The following TACC2 variants were observed in gnomAD, a reference collection of about 807,000 sequenced individuals.
TACC2 encodes the protein transforming acidic coiled-coil-containing protein 2.
Under a neutral mutation model 227.3 loss-of-function variants are expected in TACC2, and 137 were observed. The observed-to-expected ratio is 0.60, with a 90% CI of 0.52 to 0.69. TACC2 has a LOEUF of 0.69. Ranked by LOEUF, TACC2 falls within the 30% of genes least tolerant of loss-of-function variation. The probability of loss-of-function intolerance (pLI) is 0.00; values close to 1 mark genes in which losing one functional copy is unlikely to be tolerated. For synonymous variants in TACC2, 1,523 were observed against 1,487.5 expected, an observed-to-expected ratio of 1.02 and a Z score of -0.55; for missense variants, 3,470 against 3,694.4, an observed-to-expected ratio of 0.94 and a Z score of 1.57.
In TACC2 at chr10:122,084,669, T is replaced by C. The variant is rs1016075340; in HGVS notation, c.2169T>C (p.Phe723=). ...CTTTAGAATCAGAGAAATCAGATTT[T>C]CCACCAACTCCTGTTGCAGAGGTTG... is the stretch of plus-strand genomic sequence containing the variant. The part of the protein sequence containing the change: ...FLTLESEKSD[F]PPTPVAEVAP... Residue 723 remains phenylalanine (F), a synonymous_variant, in exon 4 of 23, where the codon TTT becomes TTC. Transcript: ENST00000369005. The C allele has an allele frequency of 6.2e-7, 1 of 1,613,704 alleles. No homozygotes were observed. Among genetic ancestry groups the C allele is most frequent in the Non-Finnish European group, 8.5e-7 (1 of 1,180,040 alleles).
Position 122,048,393 on chromosome 10 carries a change from TTTCC to T in TACC2, c.34-2035_34-2032del, listed in dbSNP as rs138157333. Among the ~76,000 whole-genome samples the T allele has an allele frequency of 2.7e-3, 381 of 141,086 alleles. 3 individuals carry two copies. The highest frequency in any genetic ancestry group is 5.6e-3 in the East Asian group (26 of 4,664). 92.6% of individuals were successfully genotyped at this position (141,086 alleles called of 152,430 possible). A position where few individuals can be genotyped will look rare whatever the true frequency, so the allele number is the denominator to read the frequency against. ...AGCCTTATTTTTTTTTTCTCCTCCC[TTTCC>T]TTCCTTCCTCCCTCCCTCCCTTCCT... On this transcript the variant is annotated intron_variant, in intron 2 of 22. Coordinates refer to ENST00000369005, the MANE Select transcript of TACC2 (RefSeq NM_206862.4).
rs2091914240 is a variant in TACC2, at chr10:122,150,396, G to A, written c.5834+6690G>A. Among the ~76,000 whole-genome samples the A allele has an allele frequency of 6.6e-6, 1 of 152,218 alleles. No homozygotes were observed. Among genetic ancestry groups the A allele is most frequent in the South Asian group, 2.1e-4 (1 of 4,836 alleles). On this transcript the variant is annotated intron_variant, in intron 7 of 22. Coordinates refer to ENST00000369005, the MANE Select transcript of TACC2 (RefSeq NM_206862.4). This position sits in a 1 kb window ranked among gnomAD's most constrained non-coding sequence, Gnocchi z 4.0. ...GGGGGCCCTTCTTGCCCTGAATAGG[G>A]GCAGCTGAGGCCAGGAGCCCACCCT...
intron 1 of TACC2, among the ~76,000 whole-genome samples, chr10:122,005,607 A>C (rs1484556690): frequency 7.3e-6 from 1 of 137,850 alleles, no homozygotes; most frequent in African/African-American, 2.8e-5. Context: ...AATGGTCTCG[A>C]TCTCCTGACC....
At chr10:122,189,010 T>C (rs929999944) in intron 7 of TACC2, among the ~76,000 whole-genome samples, 5 of 152,282 alleles carry the variant, frequency 3.3e-5, no homozygotes, top group South Asian at 4.2e-4. Flanking sequence ...GGCATTTGCT[T>C]GTGTTGAAAT....
chr10:122,170,786 T>C (rs918295045), intron 7 of TACC2, among the ~76,000 whole-genome samples: 10 of 152,218 alleles, frequency 6.6e-5, no homozygotes, highest in African/African-American at 2.2e-4. Flanking sequence ...CCTCGCCTGA[T>C]GTTCACCAGG....
At chr10:122,031,616 G>T (rs1468829394) in intron 2 of TACC2, among the ~76,000 whole-genome samples, 1 of 151,936 alleles carries the variant, frequency 6.6e-6, no homozygotes, top group Non-Finnish European at 1.5e-5. Context: ...TGTTAGCCAG[G>T]TTGGTCTCGA....
At chr10:122,118,441 G>A (rs530683320) in intron 5 of TACC2, among the ~76,000 whole-genome samples, 1 of 152,104 alleles carries the variant, frequency 6.6e-6, no homozygotes, top group Non-Finnish European at 1.5e-5. Context: ...TCTCTCTGAC[G>A]GCTAACAACC....
In TACC2 at chr10:122,211,110, G is replaced by A; in HGVS notation, c.6685G>A (p.Val2229Ile). The change falls in exon 9 of 23, where the codon GTC becomes ATC. Residue 2229 changes from valine to isoleucine, a missense_variant. Val to Ile is a conservative substitution (Grantham distance 29, BLOSUM62 3). Around this residue, in one of 10 missense-constraint regions of TACC2, gnomAD observed 593 missense variants for 636.6 expected, o/e 0.93. Coordinates refer to ENST00000369005, the MANE Select transcript of TACC2 (RefSeq NM_206862.4). ...GGGRVQNSPP[V>I]GRKTLPLTTA... ...TGGCAGAGTGCAGAACTCACCCCCT[G>A]TCGGGAGGAAAACGCTGCCTCTTAC... The A allele has an allele frequency of 6.2e-7, 1 of 1,611,532 alleles. No homozygotes were observed. The highest frequency in any genetic ancestry group is 2.2e-5 in the East Asian group (1 of 44,858).
chr10:122,075,243 A>G (rs1047198446), intron 3 of TACC2, among the ~76,000 whole-genome samples: 3 of 151,620 alleles, frequency 2.0e-5, no homozygotes, highest in Non-Finnish European at 2.9e-5. Context: ...TGGCAAGGTT[A>G]GGCTGCAGGA....
chr10:122,152,457 T>C (rs934934038), intron 7 of TACC2, among the ~76,000 whole-genome samples: 4 of 152,224 alleles, frequency 2.6e-5, no homozygotes, highest in Admixed American at 2.0e-4. Context: ...AAGCTTAACA[T>C]TGTGGCCAGT....
At chr10:122,097,369 T>G in intron 5 of TACC2, among the ~76,000 whole-genome samples, 2 of 149,176 alleles carry the variant, frequency 1.3e-5, no homozygotes, top group Admixed American at 6.7e-5. Context: ...AGAAGAAGAG[T>G]TGGAGGAGGA....
At chr10:122,108,378 C>T (rs1045452959) in intron 5 of TACC2, among the ~76,000 whole-genome samples, 8 of 138,604 alleles carry the variant, frequency 5.8e-5, no homozygotes, top group African/African-American at 1.0e-4. Flanking sequence ...CATGCGCGCG[C>T]GCTCTCTCTT....
chr10:122,122,503 T>TC (rs386372703), intron 5 of TACC2, among the ~76,000 whole-genome samples: 2 of 152,120 alleles, frequency 1.3e-5, no homozygotes, highest in East Asian at 3.9e-4. Context: ...TTTTTTTTTT[T>TC]TAATAGCTGA....
At chr10:122,220,581 A>T (rs1183982938) in intron 11 of TACC2, among the ~76,000 whole-genome samples, 1 of 152,232 alleles carries the variant, frequency 6.6e-6, no homozygotes, top group African/African-American at 2.4e-5. Context: ...AGGGGTGCTG[A>T]TGTGATTGAT....
chr10:122,194,028 C>A lies in TACC2; in HGVS notation c.5835-1012C>A, dbSNP rs1338333495. Among the ~76,000 whole-genome samples, 2 of 152,214 alleles carry A rather than the reference C, an allele frequency of 1.3e-5. No individual in the cohort carries two copies. The highest frequency in any genetic ancestry group is 4.8e-5 in the African/African-American group (2 of 41,454). On this transcript the variant is annotated intron_variant, in intron 7 of 22. Transcript: ENST00000369005. This position sits in a 1 kb window ranked among gnomAD's most constrained non-coding sequence, Gnocchi z 4.4. ...AAACTTCTGGGCTTAAGTGATCCTC[C>A]TGCCTCACCCTCCCTAGTAGCTGAG...
At chr10:122,218,781 A>G (rs2095463690) in intron 11 of TACC2, among the ~76,000 whole-genome samples, 1 of 151,976 alleles carries the variant, frequency 6.6e-6, no homozygotes, top group Non-Finnish European at 1.5e-5. Flanking sequence ...TGGGAGACTG[A>G]GGCAGGCAGA....
chr10:122,117,065 A>G (rs984996571), intron 5 of TACC2, among the ~76,000 whole-genome samples: 2 of 152,040 alleles, frequency 1.3e-5, no homozygotes, highest in Non-Finnish European at 2.9e-5. Flanking sequence ...TATTTCATAT[A>G]TATTCAAATT....
At position 122,082,824 on chromosome 10, in the gene TACC2, G is replaced by A. The variant is rs201984659; in HGVS notation, c.324G>A (p.Ser108=). ...CGTCCCAGGAGCGAGAGCACCCCTC[G>A]TCCTCCATGCCCTTTGCCGAGTGTC... The part of the protein sequence containing the change: ...PPPSQEREHP[S]SSMPFAECPP... Residue 108 remains serine, a synonymous_variant, in exon 4 of 23, where the codon TCG becomes TCA. Transcript: ENST00000369005. The A allele has an allele frequency of 1.3e-5, 21 of 1,613,642 alleles. No individual in the cohort carries two copies. The highest frequency in any genetic ancestry group is 7.7e-5 in the South Asian group (7 of 91,076).
rs148787189 is a variant in TACC2 at position 122,165,269 on chromosome 10, G to A, written c.5834+21563G>A. Among the ~76,000 whole-genome samples the A allele has an allele frequency of 9.9e-3, 1,503 of 152,288 alleles. 29 individuals are homozygous for A. The highest frequency in any genetic ancestry group is 0.034 in the African/African-American group (1,408 of 41,550). ...ATACAACTCGAGTCTAGGCAGAAAA[G>A]AACCACTTTAACCTATTTTTTGCAA... is the stretch of plus-strand genomic sequence containing the variant. On this transcript the variant is annotated intron_variant, in intron 7 of 22. Coordinates refer to ENST00000369005, the MANE Select transcript of TACC2 (RefSeq NM_206862.4).
Sources: allele counts gnomAD v4.1 joint callset (sites outside exome capture counted in the v4.1 genomes callset), GRCh38; gene constraint gnomAD v4.1.1; regional missense constraint gnomAD v4.1.1; non-coding constraint Gnocchi (gnomAD v3.1); transcripts MANE v1.5; gene names NCBI Gene and HGNC (gene_info 2026-07-23, HGNC 2026-07-21).